The following KIF13A variants were observed in gnomAD, a reference collection of about 807,000 sequenced individuals.
The protein encoded by KIF13A is kinesin family member 13A.
KIF13A carries 79 observed loss-of-function variants against 212.2 expected under a neutral mutation model. That is an observed-to-expected ratio of 0.37 (90% confidence interval 0.31 to 0.45). The LOEUF (loss-of-function observed/expected upper bound fraction) is 0.45. Among genes scored for constraint, KIF13A ranks in the 20% least tolerant of loss-of-function variants. KIF13A has a pLI of 1.00. For missense variants in KIF13A, 1,901 were observed against 2,209.0 expected, an observed-to-expected ratio of 0.86 and a Z score of 2.79; for synonymous variants, 789 against 808.6, an observed-to-expected ratio of 0.98 and a Z score of 0.41.
rs972622501 is a variant in KIF13A, at chr6:17,871,785, C to T, written c.220+1592G>A. Among the ~76,000 whole-genome samples, 1 of 152,184 alleles carries T rather than the reference C, an allele frequency of 6.6e-6. No individual in the cohort carries two copies. The highest frequency in any genetic ancestry group is 2.4e-5 in the African/African-American group (1 of 41,448). Reference sequence around the variant, plus strand: ...GTATCTGAGAAGTGCATGAGAAGAGCTCCAGTTCAGGAAGATATATATGGC... The same window carrying T: ...GTATCTGAGAAGTGCATGAGAAGAGTTCCAGTTCAGGAAGATATATATGGC... On this transcript the variant is annotated intron_variant, in intron 4 of 38. Transcript: ENST00000259711. This position sits in a 1 kb window ranked among gnomAD's most constrained non-coding sequence, Gnocchi z 4.4.
In KIF13A at chr6:17,834,417, T is replaced by G. The variant is rs1401155694; in HGVS notation, c.1156-346A>C. Among the ~76,000 whole-genome samples the G allele has an allele frequency of 6.6e-6, 1 of 152,230 alleles. No homozygotes were observed. Among genetic ancestry groups the G allele is most frequent in the Non-Finnish European group, 1.5e-5 (1 of 68,028 alleles). The stretch of plus-strand genomic sequence containing the variant: ...TTACTTAAGCAGACTTCTTTTTCAA[T>G]AAGACGGAGGTTAACACTCATCATC... On this transcript the variant is annotated intron_variant, in intron 11 of 38. Coordinates refer to ENST00000259711, the MANE Select transcript of KIF13A (RefSeq NM_022113.6). This position sits in a 1 kb window ranked among gnomAD's most constrained non-coding sequence, Gnocchi z 4.0.
chr6:17,835,515 T>C (rs575555926), intron 11 of KIF13A, among the ~76,000 whole-genome samples: 1 of 152,302 alleles, frequency 6.6e-6, no homozygotes, highest in African/African-American at 2.4e-5. Flanking sequence ...ACTGAATGAT[T>C]ATAAATTATA....
chr6:17,832,257 C>A (rs150302245), intron 12 of KIF13A, among the ~76,000 whole-genome samples: 90 of 152,204 alleles, frequency 5.9e-4, no homozygotes, highest in African/African-American at 1.8e-3. Flanking sequence ...GAGAATTAGT[C>A]CTTCCTTTAT....
Position 17,947,731 on chromosome 6 carries a change from C to T in KIF13A, c.146+39323G>A, listed in dbSNP as rs561970517. ...TGGCGGGTGCCTGTAATCCCAGCTA[C>T]TCAAGAGGCTGAGGCAGGAGAATCA... is the stretch of plus-strand genomic sequence containing the variant. On this transcript the variant is annotated intron_variant, in intron 2 of 38. Coordinates refer to ENST00000259711, the MANE Select transcript of KIF13A (RefSeq NM_022113.6). This position sits in a 1 kb window ranked among gnomAD's most constrained non-coding sequence, Gnocchi z 4.6. Among the ~76,000 whole-genome samples, 2 of 152,062 alleles carry T rather than the reference C, an allele frequency of 1.3e-5. No individual in the cohort carries two copies. The highest frequency in any genetic ancestry group is 2.9e-5 in the Non-Finnish European group (2 of 68,024).
In KIF13A at chr6:17,984,774, A is replaced by G. The variant is rs1781403733; in HGVS notation, c.146+2280T>C. 6.6e-6 allele frequency among the ~76,000 whole-genome samples: 1 copy of G among 152,146 alleles called. No individual in the cohort carries two copies. ...CAATATGCATTTAAAGACCTCTTAC[A>G]CTTCAAACCTTGGACTTGCAGATAT... On this transcript the variant is annotated intron_variant, in intron 2 of 38. Transcript: ENST00000259711. This position sits in a 1 kb window ranked among gnomAD's most constrained non-coding sequence, Gnocchi z 5.0.
intron 12 of KIF13A, among the ~76,000 whole-genome samples, chr6:17,832,875 G>C (rs2150374200): frequency 6.6e-6 from 1 of 151,608 alleles, no homozygotes; most frequent in Admixed American, 6.6e-5. Flanking sequence ...TTAGCCAGGA[G>C]TGGTGGCGCA....
intron 9 of KIF13A, among the ~76,000 whole-genome samples, chr6:17,847,916 A>G (rs1182786450): frequency 6.6e-6 from 1 of 151,972 alleles, no homozygotes; most frequent in Non-Finnish European, 1.5e-5. Context: ...GGTTCAAGAG[A>G]TTCTTCTGCC....
chr6:17,893,832 C>CTTTTTTTTTTTTTTTTT (rs139288852), intron 3 of KIF13A, among the ~76,000 whole-genome samples: 4 of 77,328 alleles, frequency 5.2e-5, no homozygotes, highest in Non-Finnish European at 7.6e-5. Context: ...TTTCCTGCAT[C>CTTTTTTTTTTTTTTTTT]TTTTTTTTTT....
At chr6:17,830,996 T>C in intron 13 of KIF13A, 105 bp downstream of exon 13, 1 of 1,053,540 alleles carries the variant, frequency 9.5e-7, no homozygotes, top group Non-Finnish European at 1.4e-6. Flanking sequence ...TACTGAGGGC[T>C]AAGCTGGATA....
rs1194810642 is a variant in KIF13A, at chr6:17,817,229, T to C, written c.1791A>G (p.Pro597=). The C allele has an allele frequency of 1.2e-6, 2 of 1,613,932 alleles. No homozygotes were observed. The highest frequency in any genetic ancestry group is 1.7e-6 in the Non-Finnish European group (2 of 1,179,798). ...VIMKTLNSND[P]VQNVVQVLEK... ...CCAGGACCTGAACCACATTTTGAAC[T>C]GGGTCTAGTGAGCCAAGAGACAAGG... Residue 597 remains proline (P), a synonymous_variant, in exon 17 of 39, where the codon CCA becomes CCG. Transcript: ENST00000259711.
intron 2 of KIF13A, among the ~76,000 whole-genome samples, chr6:17,906,007 T>C (rs1773463102): frequency 6.6e-6 from 1 of 152,206 alleles, no homozygotes; most frequent in Non-Finnish European, 1.5e-5. Context: ...CTATGAATTA[T>C]AAAAAGTAGA....
chr6:17,821,112 T>C (rs1160730757), intron 16 of KIF13A, among the ~76,000 whole-genome samples: 1 of 152,154 alleles, frequency 6.6e-6, no homozygotes. Context: ...CCTCCCACTT[T>C]GGCTTCCCAA....
chr6:17,931,605 C>G (rs996235292), intron 2 of KIF13A, among the ~76,000 whole-genome samples: 2 of 152,268 alleles, frequency 1.3e-5, no homozygotes, highest in South Asian at 4.1e-4. Context: ...AGGCTGGTCT[C>G]AAACTCCTGG....
intron 16 of KIF13A, among the ~76,000 whole-genome samples, chr6:17,822,146 G>A (rs1195419263): frequency 6.6e-6 from 1 of 151,570 alleles, no homozygotes; most frequent in East Asian, 1.9e-4. Flanking sequence ...GGTTCAGGTG[G>A]TGCTCCTGTC....
At chr6:17,944,002 A>G (rs867978841) in intron 2 of KIF13A, among the ~76,000 whole-genome samples, 42 of 152,206 alleles carry the variant, frequency 2.8e-4, no homozygotes, top group African/African-American at 9.9e-4. Context: ...ATGAGCTAGA[A>G]GTATATGGTT....
chr6:17,831,625 T>C (rs1356245153), intron 12 of KIF13A, among the ~76,000 whole-genome samples: 1 of 150,694 alleles, frequency 6.6e-6, no homozygotes, highest in Non-Finnish European at 1.5e-5. Flanking sequence ...AGATAGTTCT[T>C]GAAGCATAAG....
At chr6:17,885,046 T>G (rs2150458326) in intron 3 of KIF13A, among the ~76,000 whole-genome samples, 1 of 152,344 alleles carries the variant, frequency 6.6e-6, no homozygotes, top group South Asian at 2.1e-4. Context: ...CAAATTTTTC[T>G]TTTAATGCCA....
At chr6:17,923,950 C>T (rs1775290579) in intron 2 of KIF13A, among the ~76,000 whole-genome samples, 1 of 152,128 alleles carries the variant, frequency 6.6e-6, no homozygotes, top group Non-Finnish European at 1.5e-5. Flanking sequence ...AGGCCCAGTC[C>T]TCAATCCTGT....
chr6:17,847,299 C>G (rs779159346), intron 9 of KIF13A, among the ~76,000 whole-genome samples: 7 of 152,194 alleles, frequency 4.6e-5, no homozygotes, highest in Non-Finnish European at 1.0e-4. Flanking sequence ...GGTTTCTGAA[C>G]TCATTTTGGC....
Sources: allele counts gnomAD v4.1 joint callset (sites outside exome capture counted in the v4.1 genomes callset), GRCh38; gene constraint gnomAD v4.1.1; non-coding constraint Gnocchi (gnomAD v3.1); transcripts MANE v1.5; gene names NCBI Gene and HGNC (gene_info 2026-07-23, HGNC 2026-07-21).